Variants in DCPS observed in about 807,000 individuals in gnomAD.
DCPS encodes the protein m7GpppX diphosphatase.
Under a neutral mutation model 34.7 loss-of-function variants are expected in DCPS, and 27 were observed. The ratio of observed to expected loss-of-function variants is 0.78; its 90% CI spans 0.57 to 1.07. The LOEUF (loss-of-function observed/expected upper bound fraction) is 1.07, where lower values mean the gene tolerates loss of function less well. DCPS is among the 50% of genes least tolerant of loss of function. DCPS has a pLI of 0.00. For missense variants in DCPS, 464 were observed against 436.9 expected (o/e 1.06, Z -0.55); for synonymous variants, 185 against 185.7 (o/e 1.00, Z 0.03).
In DCPS at chr11:126,345,507, A is replaced by G. The variant is rs1565381630; in HGVS notation, c.908A>G (p.Glu303Gly). 6.2e-7 allele frequency: 1 copy of G among 1,614,118 alleles called. No individual in the cohort carries two copies. The highest frequency in any genetic ancestry group is 8.5e-7 in the Non-Finnish European group (1 of 1,180,028). Residue 303 changes from glutamate (E) to glycine (G), a missense_variant, in exon 6 of 6, where the codon GAG becomes GGG. By Grantham distance (98) the Glu-to-Gly change is moderately conservative. Transcript: ENST00000263579. This position sits in a 1 kb window ranked among gnomAD's most constrained non-coding sequence, Gnocchi z 7.4. ...ERAHLLAEVI[E>G]NLECDPRHYQ... Reference sequence around the variant, plus strand: ...GCCCACCTGCTGGCTGAGGTGATCGAGAACTTGGAGTGTGACCCTAGGCAC... The same window carrying G: ...GCCCACCTGCTGGCTGAGGTGATCGGGAACTTGGAGTGTGACCCTAGGCAC...
intron 2 of DCPS, among the ~76,000 whole-genome samples, chr11:126,321,457 C>CT (rs1459358203): frequency 6.6e-6 from 1 of 152,084 alleles, no homozygotes. Context: ...GTCAGCCAGG[C>CT]TTATAGCTCC....
chr11:126,304,602 A>G (rs1951548051), intron 1 of DCPS, among the ~76,000 whole-genome samples: 1 of 152,212 alleles, frequency 6.6e-6, no homozygotes. Flanking sequence ...TACAGGGACT[A>G]GGAACCCAGT....
chr11:126,316,089 T>C (rs1368995723), intron 2 of DCPS, among the ~76,000 whole-genome samples: 1 of 152,098 alleles, frequency 6.6e-6, no homozygotes, highest in African/African-American at 2.4e-5. Flanking sequence ...CATGCTGCTT[T>C]TTAGTTTGTT....
chr11:126,345,712 C>T lies in DCPS; in HGVS notation c.*99C>T, dbSNP rs928437284. 6.0e-6 allele frequency: 9 copies of T among 1,511,986 alleles called. No individual in the cohort carries two copies. In the African/African-American group the frequency reaches 6.9e-5, roughly 12 times the overall value. The allele number at this position is 1,511,986 out of a possible 1,614,324, so 93.7% of individuals were successfully genotyped here. A position where few individuals can be genotyped will look rare whatever the true frequency, so the allele number is the denominator to read the frequency against. ...GAATTTTCTAAAAATGTATTTTATA[C>T]CGGCTTATTCCTAGTATTGAATAAA... On this transcript the variant is annotated 3_prime_UTR_variant, in exon 6 of 6. Coordinates refer to ENST00000263579, the MANE Select transcript of DCPS (RefSeq NM_014026.6). The surrounding 1 kb of genome is among the most constrained non-coding windows in gnomAD (Gnocchi z 7.4).
chr11:126,339,189 G>C (rs1951857990), intron 4 of DCPS, among the ~76,000 whole-genome samples: 1 of 152,226 alleles, frequency 6.6e-6, no homozygotes, highest in Non-Finnish European at 1.5e-5. Context: ...AACAGAAGAA[G>C]GGCCTGGATA....
rs1379726728 is a variant in DCPS at position 126,334,846 on chromosome 11, G to A, written c.522+3296G>A. ...CATCTAGTTACAAATGTCTGTTTGT[G>A]AGTCATCCAGCTAGACTTCAACCTC... On this transcript the variant is annotated intron_variant, in intron 3 of 5. Transcript: ENST00000263579. The surrounding 1 kb of genome is among the most constrained non-coding windows in gnomAD (Gnocchi z 5.5). Among the ~76,000 whole-genome samples the A allele has an allele frequency of 6.6e-6, 1 of 152,200 alleles. No homozygotes were observed. Among genetic ancestry groups the A allele is most frequent in the Non-Finnish European group, 1.5e-5 (1 of 68,046 alleles).
intron 2 of DCPS, among the ~76,000 whole-genome samples, chr11:126,310,066 C>T (rs901975346): frequency 2.6e-5 from 4 of 152,294 alleles, no homozygotes; most frequent in South Asian, 2.1e-4. Context: ...CAGCAGTATT[C>T]GCACCACCTG....
At chr11:126,343,262 G>C (rs568492126) in intron 4 of DCPS, 45 bp from the exon 5 acceptor site, 22 of 1,549,780 alleles carry the variant, frequency 1.4e-5, no homozygotes, top group Non-Finnish European at 1.9e-5. Context: ...AGCCTCCCCA[G>C]GTCTGTTCCC....
intron 1 of DCPS, among the ~76,000 whole-genome samples, chr11:126,306,263 C>T (rs1444091214): frequency 6.6e-6 from 1 of 152,108 alleles, no homozygotes; most frequent in Non-Finnish European, 1.5e-5. Context: ...ATCCCAGCTA[C>T]TCAGGAGGCT....
At position 126,335,514 on chromosome 11, in the gene DCPS, C is replaced by T. The variant is rs1951826725; in HGVS notation, c.523-2772C>T. Among the ~76,000 whole-genome samples the T allele has an allele frequency of 6.6e-6, 1 of 152,244 alleles. No homozygotes were observed. The highest frequency in any genetic ancestry group is 2.4e-5 in the African/African-American group (1 of 41,470). ...CAGCTCCCTGCCACTGTCCCAGAGG[C>T]CTCTCCCAGGAGACAGGATGTACCT... On this transcript the variant is annotated intron_variant, in intron 3 of 5. Coordinates refer to ENST00000263579, the MANE Select transcript of DCPS (RefSeq NM_014026.6). This position sits in a 1 kb window ranked among gnomAD's most constrained non-coding sequence, Gnocchi z 4.8.
chr11:126,348,151 G>A lies in DCPS; in HGVS notation c.*2538G>A, dbSNP rs761184166. ...TCACCCAACAGGACAGACGAGGCTG[G>A]CAGTCACAGCAGAGGGCAGGCACTC... On this transcript the variant is annotated 3_prime_UTR_variant, in exon 6 of 6. Transcript: ENST00000263579. The surrounding 1 kb of genome is among the most constrained non-coding windows in gnomAD (Gnocchi z 5.3). Among the ~76,000 whole-genome samples, 1 of 152,192 alleles carries A rather than the reference G, an allele frequency of 6.6e-6. No homozygotes were observed. Among genetic ancestry groups the A allele is most frequent in the East Asian group, 1.9e-4 (1 of 5,194 alleles).
rs145459723 is a variant in DCPS at position 126,329,677 on chromosome 11, G to A, written c.377-1728G>A. Among the ~76,000 whole-genome samples, 121 of 152,288 alleles carry A rather than the reference G, an allele frequency of 7.9e-4. No individual in the cohort carries two copies. The highest frequency in any genetic ancestry group is 3.4e-3 in the Middle Eastern group (1 of 294). On this transcript the variant is annotated intron_variant, in intron 2 of 5. Transcript: ENST00000263579. The surrounding 1 kb of genome is among the most constrained non-coding windows in gnomAD (Gnocchi z 5.0). ...GTGAGATGGCCTCAGTTCCAGGTTC[G>A]CCTCTGCCACGTTTCACGGTGTGAT...
Position 126,325,391 on chromosome 11 carries a change from A to G in DCPS, c.377-6014A>G, listed in dbSNP as rs1257045518. 6.6e-6 allele frequency among the ~76,000 whole-genome samples: 1 copy of G among 152,118 alleles called. No individual in the cohort carries two copies. Among genetic ancestry groups the G allele is most frequent in the Non-Finnish European group, 1.5e-5 (1 of 68,008 alleles). ...GTTGAGGGTTAGGAAGTATCTGTGTATATGTGTGTGTTTGTGCATGTGTGT... is the reference window on the plus strand; with the variant it reads ...GTTGAGGGTTAGGAAGTATCTGTGTGTATGTGTGTGTTTGTGCATGTGTGT... On this transcript the variant is annotated intron_variant, in intron 2 of 5. Coordinates refer to ENST00000263579, the MANE Select transcript of DCPS (RefSeq NM_014026.6). This position sits in a 1 kb window ranked among gnomAD's most constrained non-coding sequence, Gnocchi z 4.3.
At chr11:126,318,451 GC>G (rs1211218586) in intron 2 of DCPS, among the ~76,000 whole-genome samples, 7 of 152,232 alleles carry the variant, frequency 4.6e-5, no homozygotes, top group African/African-American at 1.7e-4. Context: ...TTACCATGCA[GC>G]CAGGGCTGAG....
rs755083005 is a variant in DCPS, at chr11:126,304,197, T to C, written c.117T>C (p.Pro39=). 11 of 1,614,148 alleles carry C rather than the reference T, an allele frequency of 6.8e-6. No homozygotes were observed. Among genetic ancestry groups the C allele is most frequent in the Admixed American group, 1.7e-5 (1 of 60,006 alleles). The change falls in exon 1 of 6, where the codon CCT becomes CCC. Residue 39 remains proline (P), a synonymous_variant. Transcript: ENST00000263579. ...EAGVGNGTCA[P]VRLPFSGFRL... ...GAGTTGGAAATGGTACCTGTGCTCC[T>C]GTCCGCTTACCGTTCTCCGGCTTCA... is the stretch of plus-strand genomic sequence containing the variant.
At position 126,335,695 on chromosome 11, in the gene DCPS, G is replaced by C. The variant is rs546553836; in HGVS notation, c.523-2591G>C. ...TGTAATCCCAGCACTTTGGGCCAAG[G>C]TGGGCAGTTCACTTGAGGTCAGGAG... On this transcript the variant is annotated intron_variant, in intron 3 of 5. Coordinates refer to ENST00000263579, the MANE Select transcript of DCPS (RefSeq NM_014026.6). This position sits in a 1 kb window ranked among gnomAD's most constrained non-coding sequence, Gnocchi z 4.8. 1.1e-4 allele frequency among the ~76,000 whole-genome samples: 17 copies of C among 152,328 alleles called. No homozygotes were observed. Among genetic ancestry groups the C allele is most frequent in the African/African-American group, 3.6e-4 (15 of 41,560 alleles).
In DCPS at chr11:126,319,660, C is replaced by T. The variant is rs925804157; in HGVS notation, c.377-11745C>T. On this transcript the variant is annotated intron_variant, in intron 2 of 5. Transcript: ENST00000263579. The surrounding 1 kb of genome is among the most constrained non-coding windows in gnomAD (Gnocchi z 4.5). Reference sequence around the variant, plus strand: ...CTCTGGTTTCGCTGACAGCTGTTTACGTGTCTCTAGGAAGAATTGGAACTA... The same window carrying T: ...CTCTGGTTTCGCTGACAGCTGTTTATGTGTCTCTAGGAAGAATTGGAACTA... Among the ~76,000 whole-genome samples, 22 of 152,142 alleles carry T rather than the reference C, an allele frequency of 1.4e-4. No homozygotes were observed. The highest frequency in any genetic ancestry group is 4.8e-4 in the African/African-American group (20 of 41,426).
Position 126,338,392 on chromosome 11 carries a change from A to C in DCPS, c.629A>C (p.Gln210Pro). 1 of 1,614,150 alleles carries C rather than the reference A, an allele frequency of 6.2e-7. No homozygotes were observed. Among genetic ancestry groups the C allele is most frequent in the South Asian group, 1.1e-5 (1 of 91,082 alleles). Residue 210 changes from glutamine to proline, a missense_variant, in exon 4 of 6, where the codon CAA becomes CCA. Coordinates refer to ENST00000263579, the MANE Select transcript of DCPS (RefSeq NM_014026.6). This position sits in a 1 kb window ranked among gnomAD's most constrained non-coding sequence, Gnocchi z 5.4. Reference protein sequence around the residue: ...FVLIPDLKWNQQQLDDLYLIA... With the variant: ...FVLIPDLKWNPQQLDDLYLIA... ...CTCATCCCTGACCTCAAGTGGAACC[A>C]ACAGCAGGTAAAGGTTTCTGGCTGG...
At chr11:126,306,450 ACTTCAGGGAAGG>A in intron 1 of DCPS, 108 bp from the exon 2 acceptor site, 1 of 1,108,032 alleles carries the variant, frequency 9.0e-7, no homozygotes, top group Non-Finnish European at 1.2e-6. Context: ...CAGAGGGAAG[ACTTCAGGGAAGG>A]AAATCCCAAG....
Sources: gnomAD v4.1 joint callset for allele counts (sites outside exome capture counted in the v4.1 genomes callset) on GRCh38, gnomAD v4.1.1 for gene constraint, Gnocchi (gnomAD v3.1) non-coding constraint, MANE v1.5 for transcripts, NCBI Gene and HGNC (gene_info 2026-07-23, HGNC 2026-07-21) for gene names.